The following NEGR1 variants were observed in gnomAD, a reference collection of about 807,000 sequenced individuals.
The protein encoded by NEGR1 is neuronal growth regulator 1, also known as IgLON family member 4.
NEGR1 carries 10 observed loss-of-function variants against 40.9 expected under a neutral mutation model. The observed-to-expected ratio is 0.24, with a 90% CI of 0.15 to 0.42. NEGR1 has a LOEUF of 0.42. Among genes scored for constraint, NEGR1 ranks in the 10% least tolerant of loss-of-function variants. The pLI is 1.00. For synonymous variants in NEGR1, 185 were observed against 166.8 expected (o/e 1.11, Z -0.84); for missense variants, 352 against 438.9 (o/e 0.80, Z 1.77).
intron 4 of NEGR1, among the ~76,000 whole-genome samples, chr1:71,688,302 C>T (rs1471098609): frequency 2.4e-5 from 1 of 41,918 alleles, no homozygotes; most frequent in Non-Finnish European, 4.4e-5. Context: ...GGAGGAGTTT[C>T]CCTTTTCATA....
intron 4 of NEGR1, among the ~76,000 whole-genome samples, chr1:71,689,689 T>C (rs891167016): frequency 6.6e-6 from 1 of 151,992 alleles, no homozygotes; most frequent in Non-Finnish European, 1.5e-5. Context: ...ATCTTCATTA[T>C]ACAGATGTCT....
chr1:71,611,593 C>A (rs1650252898), intron 4 of NEGR1, among the ~76,000 whole-genome samples: 1 of 152,180 alleles, frequency 6.6e-6, no homozygotes, highest in African/African-American at 2.4e-5. Flanking sequence ...TGTGAAAAGT[C>A]AAGTTCAGAG....
intron 5 of NEGR1, among the ~76,000 whole-genome samples, chr1:71,597,472 C>CTCTCTCTGTGTGTGTGTG (rs756076229): frequency 0.048 from 1,516 of 31,274 alleles, 112 homozygotes; most frequent in Non-Finnish European, 0.075. Context: ...CTCTCTCTCT[C>CTCTCTCTGTGTGTGTGTG]TGTGTGTGTG....
At chr1:71,921,189 TTTCC>T (rs1455937021) in intron 2 of NEGR1, among the ~76,000 whole-genome samples, 3 of 152,220 alleles carry the variant, frequency 2.0e-5, no homozygotes, top group African/African-American at 7.2e-5. Flanking sequence ...GAGACATATT[TTTCC>T]TAGAATGTAA....
rs187503582 is a variant in NEGR1 at position 71,944,674 on chromosome 1, G to A, written c.177-9363C>T. ...ATCACCAAATACAGACATTTAAAAA[G>A]CAAAATGAATTCTGTTCCCCACCTT... is the stretch of plus-strand genomic sequence containing the variant. On this transcript the variant is annotated intron_variant, in intron 1 of 6. Coordinates refer to ENST00000357731, the MANE Select transcript of NEGR1 (RefSeq NM_173808.3). 3.6e-3 allele frequency among the ~76,000 whole-genome samples: 547 copies of A among 152,162 alleles called. 6 individuals carry two copies. The highest frequency in any genetic ancestry group is 0.023 in the South Asian group (113 of 4,824).
chr1:72,070,329 C>T (rs549758415), intron 1 of NEGR1, among the ~76,000 whole-genome samples: 125 of 151,798 alleles, frequency 8.2e-4, no homozygotes, highest in Non-Finnish European at 1.5e-3. Context: ...AAATTTCTCT[C>T]CTAATGGCTT....
intron 1 of NEGR1, among the ~76,000 whole-genome samples, chr1:71,938,693 C>T (rs183053100): frequency 2.0e-4 from 30 of 151,754 alleles, no homozygotes; most frequent in Admixed American, 9.8e-4. Context: ...TGGTTTAAAA[C>T]GTCTAGTGTC....
At chr1:71,695,423 C>A (rs966830426) in intron 4 of NEGR1, among the ~76,000 whole-genome samples, 2 of 151,690 alleles carry the variant, frequency 1.3e-5, no homozygotes, top group Non-Finnish European at 3.0e-5. Context: ...AATATGTCGA[C>A]TTATAACTGT....
chr1:72,109,464 T>C (rs1212438703), intron 1 of NEGR1, among the ~76,000 whole-genome samples: 1 of 151,664 alleles, frequency 6.6e-6, no homozygotes, highest in Non-Finnish European at 1.5e-5. Flanking sequence ...TAAAAATTTT[T>C]CCTAAAAAAT....
intron 1 of NEGR1, among the ~76,000 whole-genome samples, chr1:72,180,889 C>T (rs1570090043): frequency 6.6e-6 from 1 of 152,180 alleles, no homozygotes; most frequent in South Asian, 2.1e-4. Flanking sequence ...ATCCTTGCAG[C>T]AGTTAGTTTG....
At chr1:72,223,796 A>AT (rs1228429554) in intron 1 of NEGR1, among the ~76,000 whole-genome samples, 1 of 152,120 alleles carries the variant, frequency 6.6e-6, no homozygotes, top group African/African-American at 2.4e-5. Flanking sequence ...TCTTCTTTGG[A>AT]TTTTTATGTA....
At chr1:72,171,601 C>CT (rs938616321) in intron 1 of NEGR1, among the ~76,000 whole-genome samples, 24 of 152,058 alleles carry the variant, frequency 1.6e-4, no homozygotes, top group Admixed American at 4.6e-4. Flanking sequence ...AATGCTTTGT[C>CT]TTTTTTGCCA....
At chr1:71,615,670 G>T (rs945063855) in intron 4 of NEGR1, among the ~76,000 whole-genome samples, 1 of 152,214 alleles carries the variant, frequency 6.6e-6, no homozygotes, top group African/African-American at 2.4e-5. Flanking sequence ...CTGGAGCCCA[G>T]ATTCTATAGG....
Position 71,706,202 on chromosome 1 carries a change from C to T in NEGR1, c.536-8063G>A, listed in dbSNP as rs142706109. ...GAGGGAGACCACAACAGCTGTGAGG[C>T]ATTAAACTCAGTGCTGTCTTGTTAG... On this transcript the variant is annotated intron_variant, in intron 3 of 6. Transcript: ENST00000357731. Among the ~76,000 whole-genome samples, 283 of 152,284 alleles carry T rather than the reference C, an allele frequency of 1.9e-3. 2 individuals are homozygous for T. Among genetic ancestry groups the T allele is most frequent in the African/African-American group, 6.6e-3 (276 of 41,572 alleles).
intron 6 of NEGR1, among the ~76,000 whole-genome samples, chr1:71,591,556 A>G (rs1319181745): frequency 6.6e-6 from 1 of 152,154 alleles, no homozygotes; most frequent in African/African-American, 2.4e-5. Flanking sequence ...CAATATTTAC[A>G]TTAAGTTGGA....
chr1:72,118,354 C>T (rs1263994162), intron 1 of NEGR1, among the ~76,000 whole-genome samples: 1 of 151,756 alleles, frequency 6.6e-6, no homozygotes, highest in Non-Finnish European at 1.5e-5. Flanking sequence ...TTGTACTGTG[C>T]AGATGTGGAG....
intron 1 of NEGR1, among the ~76,000 whole-genome samples, chr1:72,003,162 T>C (rs939192312): frequency 1.3e-5 from 2 of 152,178 alleles, no homozygotes; most frequent in East Asian, 1.9e-4. Context: ...ACCTAAAGTA[T>C]GTGTCCCAGT....
intron 1 of NEGR1, among the ~76,000 whole-genome samples, chr1:72,194,741 T>C (rs950333370): frequency 1.3e-5 from 2 of 152,086 alleles, no homozygotes; most frequent in Admixed American, 6.6e-5. Context: ...CTTCTGTCTA[T>C]TCATCTAAAG....
At chr1:72,250,358 G>GT (rs1655046241) in intron 1 of NEGR1, among the ~76,000 whole-genome samples, 1 of 151,614 alleles carries the variant, frequency 6.6e-6, no homozygotes, top group African/African-American at 2.4e-5. Flanking sequence ...TAGCATTACT[G>GT]TTTTCCCTAC....
Sources: allele counts gnomAD v4.1 joint callset (sites outside exome capture counted in the v4.1 genomes callset), GRCh38; gene constraint gnomAD v4.1.1; transcripts MANE v1.5; gene names NCBI Gene and HGNC (gene_info 2026-07-23, HGNC 2026-07-21).